OTX1: variants seen among roughly 807,000 people sequenced by gnomAD.
OTX1 encodes the protein orthodenticle homeobox 1.
In OTX1, 7 loss-of-function variants were observed where a neutral mutation model predicts 26.7. That is an observed-to-expected ratio of 0.26 (90% confidence interval 0.15 to 0.49). OTX1 has a LOEUF of 0.49. OTX1 is among the 20% of genes least tolerant of loss of function. OTX1 has a pLI of 0.98. For synonymous variants in OTX1, 216 were observed against 212.8 expected (o/e 1.01, Z -0.13); for missense variants, 414 against 483.8 (o/e 0.86, Z 1.35).
In OTX1 at chr2:63,054,201, G is replaced by A; in HGVS notation, c.249+3G>A. The A allele has an allele frequency of 6.3e-7, 1 of 1,587,046 alleles. No individual in the cohort carries two copies. Among genetic ancestry groups the A allele is most frequent in the Non-Finnish European group, 8.6e-7 (1 of 1,165,088 alleles). ...ACCTGCCGGAGTCTAGAGTCCAGGTGCGCACTCCCCGGGCTCCAGGGTCTG... is the reference window on the plus strand; with the variant it reads ...ACCTGCCGGAGTCTAGAGTCCAGGTACGCACTCCCCGGGCTCCAGGGTCTG... On this transcript the variant is annotated splice_donor_region_variant and intron_variant, in intron 4 of 4. Coordinates refer to ENST00000282549, the MANE Select transcript of OTX1 (RefSeq NM_014562.4).
At position 63,056,929 on chromosome 2, in the gene OTX1, C is replaced by T. The variant is rs924071553; in HGVS notation, c.*613C>T. 48 of 152,592 alleles carry T rather than the reference C, an allele frequency of 3.1e-4. No individual in the cohort carries two copies. Among genetic ancestry groups the T allele is most frequent in the Non-Finnish European group, 6.3e-4 (43 of 68,430 alleles). 9.5% of individuals were successfully genotyped at this position (152,592 alleles called of 1,614,324 possible). A position where few individuals can be genotyped will look rare whatever the true frequency, so the allele number is the denominator to read the frequency against. ...GCCAGGGCTAGGCCCGCCGGAGGAG[C>T]GCGTCCCCAGCCTTCCGCGCACAGA... On this transcript the variant is annotated 3_prime_UTR_variant, in exon 5 of 5. Coordinates refer to ENST00000282549, the MANE Select transcript of OTX1 (RefSeq NM_014562.4).
In OTX1 at chr2:63,056,133, C is replaced by T. The variant is rs2062065799; in HGVS notation, c.882C>T (p.His294=). 6.2e-7 allele frequency: 1 copy of T among 1,613,976 alleles called. No individual in the cohort carries two copies. The highest frequency in any genetic ancestry group is 8.5e-7 in the Non-Finnish European group (1 of 1,179,972). Residue 294 remains histidine (H), a synonymous_variant, in exon 5 of 5, where the codon CAC becomes CAT. Transcript: ENST00000282549. The part of the protein sequence containing the change: ...HPLSQSSGHH[H]HHHHHHHQGY... ...TGAGCCAGTCCTCAGGCCACCACCA[C>T]CACCATCACCACCACCACCACCAAG...
In OTX1 at chr2:63,056,109, G is replaced by A; in HGVS notation, c.858G>A (p.Leu286=). The part of the protein sequence containing the change: ...HHHHPHAHHP[L]SQSSGHHHHH... Reference sequence around the variant, plus strand: ...ACCACCCACATGCGCACCACCCGTTGAGCCAGTCCTCAGGCCACCACCACC... The same window carrying A: ...ACCACCCACATGCGCACCACCCGTTAAGCCAGTCCTCAGGCCACCACCACC... The change falls in exon 5 of 5, where the codon TTG becomes TTA. Residue 286 remains leucine (L), a synonymous_variant. Coordinates refer to ENST00000282549, the MANE Select transcript of OTX1 (RefSeq NM_014562.4). 1 of 1,613,910 alleles carries A rather than the reference G, an allele frequency of 6.2e-7. No homozygotes were observed. Among genetic ancestry groups the A allele is most frequent in the Non-Finnish European group, 8.5e-7 (1 of 1,179,982 alleles).
chr2:63,051,496 C>T (rs1330748929), intron 2 of OTX1, 179 bp downstream of exon 2: 1 of 152,312 alleles, frequency 6.6e-6, no homozygotes, highest in African/African-American at 2.4e-5. Context: ...GGCCCGCAGC[C>T]CCCTCCCCCG....
intron 4 of OTX1, 57 bp downstream of exon 4, chr2:63,054,255 G>A: frequency 6.7e-7 from 1 of 1,497,364 alleles, no homozygotes; most frequent in Non-Finnish European, 8.9e-7. Context: ...GCTCGGGGAA[G>A]GTCTAGGAAG....
At chr2:63,050,256 G>A (rs904805933), upstream of OTX1, 4 of 152,342 alleles carry the variant, frequency 2.6e-5, no homozygotes, top group Admixed American at 2.0e-4. Context: ...GCTCTGCAAA[G>A]TAGCCTGCGC....
At chr2:63,053,955 G>A in intron 3 of OTX1, 92 bp from the exon 4 acceptor site, 2 of 1,432,686 alleles carry the variant, frequency 1.4e-6, no homozygotes, top group Non-Finnish European at 1.9e-6. Context: ...TGCGAAGGCC[G>A]AGATCTGGGC....
Position 63,052,868 on chromosome 2 carries a change from G to A in OTX1, c.-111-12G>A, listed in dbSNP as rs1047014320. The A allele has an allele frequency of 4.1e-5, 26 of 638,544 alleles. No individual in the cohort carries two copies. The highest frequency in any genetic ancestry group is 7.5e-5 in the South Asian group (4 of 53,544). The allele number at this position is 638,544 out of a possible 1,614,324, so 39.6% of individuals were successfully genotyped here. A position where few individuals can be genotyped will look rare whatever the true frequency, so the allele number is the denominator to read the frequency against. ...CCGATTGACGGTTTCCGTGTGTCTC[G>A]TGTCTTCATAGGCCAGGCCCCCAGA... On this transcript the variant is annotated splice_polypyrimidine_tract_variant and intron_variant, in intron 2 of 4. Coordinates refer to ENST00000282549, the MANE Select transcript of OTX1 (RefSeq NM_014562.4).
chr2:63,055,393 G>A lies in OTX1; in HGVS notation c.250-108G>A. On this transcript the variant is annotated intron_variant, in intron 4 of 4. Transcript: ENST00000282549. The surrounding 1 kb of genome is among the most constrained non-coding windows in gnomAD (Gnocchi z 5.2). ...GACAGGAAGGGGCGGAGGCCTCGGTGAGAAAGGATTGCGATATTCTGGACC... is the reference window on the plus strand; with the variant it reads ...GACAGGAAGGGGCGGAGGCCTCGGTAAGAAAGGATTGCGATATTCTGGACC... 8.0e-7 allele frequency: 1 copy of A among 1,245,072 alleles called. No individual in the cohort carries two copies. Among genetic ancestry groups the A allele is most frequent in the Non-Finnish European group, 1.1e-6 (1 of 900,468 alleles). The allele number at this position is 1,245,072 out of a possible 1,614,324, so 77.1% of individuals were successfully genotyped here. A position where few individuals can be genotyped will look rare whatever the true frequency, so the allele number is the denominator to read the frequency against.
intron 3 of OTX1, chr2:63,053,533 T>C: frequency 5.7e-6 from 1 of 175,654 alleles, no homozygotes; most frequent in African/African-American, 2.4e-5. Context: ...CTAATTAAAT[T>C]GTCCTCTAAA....
chr2:63,056,315 G>A lies in OTX1; in HGVS notation c.1064G>A (p.Ter355=). Residue 355 remains the stop codon, a stop_retained_variant, in exon 5 of 5, where the codon TGA becomes TAA. Transcript: ENST00000282549. ...GCCTCATGGCGGTTCCAGGTCTTGT[G>A]AGCCCAGGAATGAAAGAGGAGAAGA... The part of the protein sequence containing the change: ...DQASWRFQVL[*] 3 of 1,608,306 alleles carry A rather than the reference G, an allele frequency of 1.9e-6. No individual in the cohort carries two copies. Among genetic ancestry groups the A allele is most frequent in the Non-Finnish European group, 1.7e-6 (2 of 1,175,972 alleles).
At chr2:63,053,766 A>G (rs1034078379) in intron 3 of OTX1, among the ~76,000 whole-genome samples, 2 of 152,058 alleles carry the variant, frequency 1.3e-5, no homozygotes, top group Non-Finnish European at 2.9e-5. Flanking sequence ...GGGGATGTAG[A>G]AGAAGGGAGA....
In OTX1 at chr2:63,055,405, C is replaced by G; in HGVS notation, c.250-96C>G. 1 of 1,326,520 alleles carries G rather than the reference C, an allele frequency of 7.5e-7. No homozygotes were observed. Among genetic ancestry groups the G allele is most frequent in the Non-Finnish European group, 1.0e-6 (1 of 963,894 alleles). The allele number at this position is 1,326,520 out of a possible 1,614,324, so 82.2% of individuals were successfully genotyped here. On this transcript the variant is annotated intron_variant, in intron 4 of 4. Coordinates refer to ENST00000282549, the MANE Select transcript of OTX1 (RefSeq NM_014562.4). This position sits in a 1 kb window ranked among gnomAD's most constrained non-coding sequence, Gnocchi z 5.2. The stretch of plus-strand genomic sequence containing the variant: ...CGGAGGCCTCGGTGAGAAAGGATTG[C>G]GATATTCTGGACCGGGAGTTGGGTC...
Position 63,053,988 on chromosome 2 carries a change from C to T in OTX1, c.98-59C>T, listed in dbSNP as rs574672535. 56 of 1,583,070 alleles carry T rather than the reference C, an allele frequency of 3.5e-5. No homozygotes were observed. In the African/African-American group the frequency reaches 6.6e-4, roughly 19 times the overall value. ...GGCCTGCCAGGGGCCTGCCCGAGTC[C>T]TCTATCGCGGGTCCACGTGGCCACC... On this transcript the variant is annotated intron_variant, in intron 3 of 4. Transcript: ENST00000282549.
rs893929025 is a variant in OTX1 at position 63,056,445 on chromosome 2, A to G, written c.*129A>G. The G allele has an allele frequency of 1.2e-6, 1 of 846,382 alleles. No individual in the cohort carries two copies. Among genetic ancestry groups the G allele is most frequent in the Non-Finnish European group, 1.8e-6 (1 of 554,588 alleles). The allele number at this position is 846,382 out of a possible 1,614,324, so 52.4% of individuals were successfully genotyped here. On this transcript the variant is annotated 3_prime_UTR_variant, in exon 5 of 5. Coordinates refer to ENST00000282549, the MANE Select transcript of OTX1 (RefSeq NM_014562.4). ...AACTGAATTTTCACCCCCCAAAAAG[A>G]TGTCCATTGCCTGCACTGCCGCCCC...
chr2:63,054,527 T>C (rs2062049749), intron 4 of OTX1, among the ~76,000 whole-genome samples: 1 of 152,270 alleles, frequency 6.6e-6, no homozygotes, highest in South Asian at 2.1e-4. Context: ...CCCCTGCTTC[T>C]TCGCCTGCCC....
rs1489379909 is a variant in OTX1 at position 63,056,593 on chromosome 2, G to T, written c.*277G>T. On this transcript the variant is annotated 3_prime_UTR_variant, in exon 5 of 5. Coordinates refer to ENST00000282549, the MANE Select transcript of OTX1 (RefSeq NM_014562.4). ...AGAGATGTATTATTTCCCCCCTTCA[G>T]CCCCTACTAAACTCTTAAGCCTCCC... is the stretch of plus-strand genomic sequence containing the variant. The T allele has an allele frequency of 2.6e-5, 13 of 506,414 alleles. No individual in the cohort carries two copies. Among genetic ancestry groups the T allele is most frequent in the Non-Finnish European group, 3.6e-5 (10 of 281,144 alleles). The allele number at this position is 506,414 out of a possible 1,614,324, so 31.4% of individuals were successfully genotyped here.
chr2:63,055,521 C>T lies in OTX1; in HGVS notation c.270C>T (p.Arg90=), dbSNP rs2153388203. The change falls in exon 5 of 5, where the codon CGC becomes CGT. Residue 90 remains arginine, a synonymous_variant. Transcript: ENST00000282549. This position sits in a 1 kb window ranked among gnomAD's most constrained non-coding sequence, Gnocchi z 5.2. Reference sequence around the variant, plus strand: ...TGCAGGTCTGGTTCAAGAACCGCCGCGCCAAATGCCGCCAGCAGCAGCAGA... The same window carrying T: ...TGCAGGTCTGGTTCAAGAACCGCCGTGCCAAATGCCGCCAGCAGCAGCAGA... ...SRVQVWFKNR[R]AKCRQQQQSG... is the part of the protein sequence containing the mutation. 6.2e-7 allele frequency: 1 copy of T among 1,613,748 alleles called. No homozygotes were observed. Among genetic ancestry groups the T allele is most frequent in the Non-Finnish European group, 8.5e-7 (1 of 1,179,814 alleles).
At position 63,056,065 on chromosome 2, in the gene OTX1, A is replaced by G. The variant is rs1312173696; in HGVS notation, c.814A>G (p.Met272Val). 4 of 1,613,006 alleles carry G rather than the reference A, an allele frequency of 2.5e-6. No individual in the cohort carries two copies. In the Middle Eastern group the frequency reaches 4.9e-4, roughly 199 times the overall value. The change falls in exon 5 of 5, where the codon ATG (methionine) becomes GTG (valine). Residue 272 changes from methionine to valine, a missense_variant. Around this residue, in one of 3 missense-constraint regions of OTX1, gnomAD observed 320 missense variants for 347.9 expected, o/e 0.92. Transcript: ENST00000282549. ...GCTCAGCCCCATGGCACCCTCCTCC[A>G]TGGCGGGCCACCATCATCACCACCC... ...HQLSPMAPSS[M>V]AGHHHHHPHA...
Sources: allele counts gnomAD v4.1 joint callset (sites outside exome capture counted in the v4.1 genomes callset), GRCh38; gene constraint gnomAD v4.1.1; regional missense constraint gnomAD v4.1.1; non-coding constraint Gnocchi (gnomAD v3.1); transcripts MANE v1.5; gene names NCBI Gene and HGNC (gene_info 2026-07-23, HGNC 2026-07-21).